The following PANK2 variants were observed in gnomAD, a reference collection of about 807,000 sequenced individuals.
PANK2 encodes the protein pantothenate kinase 2.
PANK2 carries 36 observed loss-of-function variants against 43.1 expected under a neutral mutation model. That is an observed-to-expected ratio of 0.84 (90% CI 0.64 to 1.10). The LOEUF is 1.10. Among genes scored for constraint, PANK2 ranks in the 50% least tolerant of loss-of-function variants. The probability of loss-of-function intolerance (pLI) is 0.00; values close to 1 mark genes in which losing one functional copy is unlikely to be tolerated. For synonymous variants in PANK2, 281 were observed against 238.2 expected (o/e 1.18, Z -1.66); for missense variants, 576 against 593.3 (o/e 0.97, Z 0.30).
rs993525280 is a variant in PANK2 at position 3,928,943 on chromosome 20, G to T, written c.*5649G>T. ...GGCTCACTGCAACTTCTGTCTCCCGGGTTCAATCAATTCTCCTGTCCCAGC... is the reference window on the plus strand; with the variant it reads ...GGCTCACTGCAACTTCTGTCTCCCGTGTTCAATCAATTCTCCTGTCCCAGC... On this transcript the variant is annotated 3_prime_UTR_variant, in exon 7 of 7. Transcript: ENST00000610179. 6.6e-6 allele frequency: 1 copy of T among 151,616 alleles called. No individual in the cohort carries two copies. Among genetic ancestry groups the T allele is most frequent in the African/African-American group, 2.4e-5 (1 of 41,276 alleles). 9.4% of individuals were successfully genotyped at this position (151,616 alleles called of 1,614,324 possible).
chr20:3,902,972 GACACACACACACAC>G (rs11468265), intron 1 of PANK2, among the ~76,000 whole-genome samples: 2,294 of 141,418 alleles, frequency 0.016, 24 homozygotes, highest in Admixed American at 0.021. Context: ...GATGTGTATA[GACACACACACACAC>G]ACACACACAC....
Position 3,927,781 on chromosome 20 carries a change from C to T in PANK2, c.*4487C>T, listed in dbSNP as rs61743425. 3 of 152,240 alleles carry T rather than the reference C, an allele frequency of 2.0e-5. No individual in the cohort carries two copies. The highest frequency in any genetic ancestry group is 7.2e-5 in the African/African-American group (3 of 41,442). 9.4% of individuals were successfully genotyped at this position (152,240 alleles called of 1,614,324 possible). ...CAGTGGGCGTGAGATGCAGATCCAC[C>T]AGGCTTGGGACTGGCAAAGGGAGCT... On this transcript the variant is annotated 3_prime_UTR_variant, in exon 7 of 7. Transcript: ENST00000610179.
At chr20:3,908,798 G>C in intron 2 of PANK2, 1 of 199,318 alleles carries the variant, frequency 5.0e-6, no homozygotes, top group Non-Finnish European at 1.0e-5. Flanking sequence ...GCTTTCTGAT[G>C]TGTTCTGTGC....
At chr20:3,914,453 C>A (rs550931557) in intron 4 of PANK2, among the ~76,000 whole-genome samples, 2 of 152,006 alleles carry the variant, frequency 1.3e-5, no homozygotes, top group Non-Finnish European at 2.9e-5. Context: ...GTCACTAGGA[C>A]TACAGCTGTG....
intron 6 of PANK2, among the ~76,000 whole-genome samples, chr20:3,921,112 A>G (rs1405121366): frequency 6.6e-6 from 1 of 152,050 alleles, no homozygotes; most frequent in Non-Finnish European, 1.5e-5. Context: ...CAGGTTTGTT[A>G]CATACGTATA....
At chr20:3,889,052 C>A, upstream of PANK2, 1 of 1,455,446 alleles carries the variant, frequency 6.9e-7, no homozygotes, top group Non-Finnish European at 9.2e-7. Flanking sequence ...AGTTCCGCGG[C>A]CCGGGGGGGC....
rs1314055743 is a variant in PANK2, at chr20:3,925,237, C to T, written c.*1943C>T. On this transcript the variant is annotated 3_prime_UTR_variant, in exon 7 of 7. Coordinates refer to ENST00000610179, the MANE Select transcript of PANK2 (RefSeq NM_001386393.1). ...ACCTTGTGCTCAGTAAACCCTGTCA[C>T]TCCACAGCAGGGTTTTTGAGACAGT... 1.3e-5 allele frequency: 2 copies of T among 152,378 alleles called. No homozygotes were observed. Among genetic ancestry groups the T allele is most frequent in the East Asian group, 1.9e-4 (1 of 5,206 alleles). 9.4% of individuals were successfully genotyped at this position (152,378 alleles called of 1,614,324 possible).
At chr20:3,890,897 A>G (rs1005866206) in intron 1 of PANK2, among the ~76,000 whole-genome samples, 6 of 152,182 alleles carry the variant, frequency 3.9e-5, no homozygotes, top group Non-Finnish European at 8.8e-5. Flanking sequence ...TCAGTCACCT[A>G]GTTTTGTTTT....
At chr20:3,889,286 G>C, upstream of PANK2, 1 of 1,608,912 alleles carries the variant, frequency 6.2e-7, no homozygotes, top group Non-Finnish European at 8.5e-7. Context: ...GAGTTAGGGA[G>C]CCGACTGGAC....
chr20:3,888,971 G>C (rs2090058973), upstream of PANK2: 49 of 706,404 alleles, frequency 6.9e-5, no homozygotes, highest in Admixed American at 2.4e-4. Context: ...GAGCACTGCT[G>C]GGCTGGAGGA....
chr20:3,917,890 A>G (rs527758883), intron 5 of PANK2, among the ~76,000 whole-genome samples: 4 of 152,216 alleles, frequency 2.6e-5, no homozygotes, highest in Non-Finnish European at 4.4e-5. Context: ...TGCATACCAC[A>G]ATTTGTATTT....
At chr20:3,893,280 G>C (rs539687559) in intron 1 of PANK2, among the ~76,000 whole-genome samples, 2 of 152,230 alleles carry the variant, frequency 1.3e-5, no homozygotes, top group East Asian at 1.9e-4. Flanking sequence ...ATTTTGGGGT[G>C]GGGGAAGGTA....
chr20:3,893,305 C>T (rs774452138), intron 1 of PANK2, among the ~76,000 whole-genome samples: 4 of 152,060 alleles, frequency 2.6e-5, no homozygotes, highest in Non-Finnish European at 5.9e-5. Flanking sequence ...TGATGTAATC[C>T]AGAGCTGTGG....
intron 4 of PANK2, 102 bp from the exon 5 acceptor site, chr20:3,916,825 G>A: frequency 6.6e-7 from 1 of 1,512,400 alleles, no homozygotes; most frequent in East Asian, 2.4e-5. Flanking sequence ...TTTCAACAAT[G>A]TTGCCCTAAA....
intron 1 of PANK2, among the ~76,000 whole-genome samples, chr20:3,906,005 C>T (rs1042020535): frequency 7.9e-5 from 12 of 152,036 alleles, no homozygotes; most frequent in East Asian, 3.9e-4. Flanking sequence ...TGTGAGCCAC[C>T]GTGCCCGGCC....
chr20:3,895,613 TG>T (rs1045148177), intron 1 of PANK2, among the ~76,000 whole-genome samples: 6 of 151,822 alleles, frequency 4.0e-5, no homozygotes, highest in Admixed American at 2.0e-4. Flanking sequence ...AGAGCGGTGA[TG>T]TTTTTTGGAC....
intron 4 of PANK2, among the ~76,000 whole-genome samples, chr20:3,915,179 A>T (rs575103409): frequency 1.7e-3 from 255 of 152,252 alleles, no homozygotes; most frequent in Non-Finnish European, 3.1e-3. Context: ...TTTTGGTGTT[A>T]TGTGTAAGAA....
At chr20:3,910,303 T>TTG (rs1367311858) in intron 2 of PANK2, among the ~76,000 whole-genome samples, 13 of 150,632 alleles carry the variant, frequency 8.6e-5, no homozygotes, top group Non-Finnish European at 1.5e-4. Flanking sequence ...TGGTTTTTTT[T>TTG]TTTTGTTTTT....
At chr20:3,909,553 T>C (rs906386000) in intron 2 of PANK2, among the ~76,000 whole-genome samples, 5 of 152,126 alleles carry the variant, frequency 3.3e-5, no homozygotes, top group African/African-American at 1.2e-4. Context: ...CTAACATGCC[T>C]TGGAGTTCTT....
Sources: gnomAD v4.1 joint callset for allele counts (sites outside exome capture counted in the v4.1 genomes callset) on GRCh38, gnomAD v4.1.1 for gene constraint, MANE v1.5 for transcripts, NCBI Gene and HGNC (gene_info 2026-07-23, HGNC 2026-07-21) for gene names.